TMEM243: variants seen among roughly 807,000 people sequenced by gnomAD.
TMEM243 encodes transmembrane protein 243.
Under a neutral mutation model 15.0 loss-of-function variants are expected in TMEM243, and 20 were observed. That is an observed-to-expected ratio of 1.33 (90% CI 0.94 to 1.93). TMEM243 has a LOEUF of 1.93. Ranked by LOEUF, TMEM243 falls within the 30% of genes most tolerant of loss-of-function variation. The probability of loss-of-function intolerance (pLI) is 0.00; values close to 1 mark genes in which losing one functional copy is unlikely to be tolerated. For synonymous variants in TMEM243, 72 were observed against 52.7 expected (o/e 1.37, Z -1.59); for missense variants, 156 against 142.1 (o/e 1.10, Z -0.50).
At chr7:87,204,965 T>C (rs1315341026) in intron 1 of TMEM243, among the ~76,000 whole-genome samples, 1 of 152,260 alleles carries the variant, frequency 6.6e-6, no homozygotes, top group Admixed American at 6.5e-5. Flanking sequence ...TGTTTCTGTA[T>C]GTCCTCTAAA....
Position 87,199,086 on chromosome 7 carries a change from A to G in TMEM243, c.79-29T>C, listed in dbSNP as rs781437864. On this transcript the variant is annotated intron_variant, in intron 1 of 3. Coordinates refer to ENST00000257637, the MANE Select transcript of TMEM243 (RefSeq NM_024315.4). ...AAAGAGAAAAGAATTTTTAAGCCAT[A>G]TGACTTGGATCCATGTTACCTTCAG... The G allele has an allele frequency of 5.0e-6, 8 of 1,586,728 alleles. No individual in the cohort carries two copies. In the East Asian group the frequency reaches 1.8e-4, roughly 36 times the overall value.
intron 1 of TMEM243, among the ~76,000 whole-genome samples, chr7:87,209,485 T>A (rs865968524): frequency 7.5e-5 from 9 of 120,106 alleles, no homozygotes; most frequent in South Asian, 2.6e-4. Context: ...AGTGAGATAG[T>A]GAGAGAGAGA....
chr7:87,204,395 A>G (rs532243307), intron 1 of TMEM243, among the ~76,000 whole-genome samples: 35 of 152,316 alleles, frequency 2.3e-4, no homozygotes, highest in African/African-American at 8.4e-4. Context: ...GTCTTAACTC[A>G]TTTCAGCATT....
chr7:87,203,288 G>A (rs2129225394), intron 1 of TMEM243, among the ~76,000 whole-genome samples: 1 of 152,142 alleles, frequency 6.6e-6, no homozygotes, highest in African/African-American at 2.4e-5. Context: ...AGGCTTTGGG[G>A]AATGGTGGAA....
At chr7:87,205,478 C>T (rs1169287219) in intron 1 of TMEM243, among the ~76,000 whole-genome samples, 1 of 152,078 alleles carries the variant, frequency 6.6e-6, no homozygotes, top group African/African-American at 2.4e-5. Flanking sequence ...ATGCTTTTAA[C>T]AGCACCTAAG....
intron 1 of TMEM243, among the ~76,000 whole-genome samples, chr7:87,204,476 T>C (rs562686392): frequency 6.6e-6 from 1 of 152,206 alleles, no homozygotes; most frequent in Non-Finnish European, 1.5e-5. Flanking sequence ...ATCAAAAGCA[T>C]GTTAGTTACT....
At chr7:87,204,713 C>T (rs985735812) in intron 1 of TMEM243, among the ~76,000 whole-genome samples, 1 of 152,204 alleles carries the variant, frequency 6.6e-6, no homozygotes, top group Non-Finnish European at 1.5e-5. Context: ...CAGCCTCCCT[C>T]CCAGCTGCTT....
In TMEM243 at chr7:87,196,352, T is replaced by C. The variant is rs1243000965; in HGVS notation, c.*284A>G. On this transcript the variant is annotated 3_prime_UTR_variant, in exon 4 of 4. Coordinates refer to ENST00000257637, the MANE Select transcript of TMEM243 (RefSeq NM_024315.4). ...ATGCAAGATTTGTTTTTACATAGCC[T>C]TTTGCCATACAATTATAAAAATTTC... The C allele has an allele frequency of 1.1e-5, 3 of 269,824 alleles. No homozygotes were observed. Among genetic ancestry groups the C allele is most frequent in the African/African-American group, 4.5e-5 (2 of 44,572 alleles). 16.7% of individuals were successfully genotyped at this position (269,824 alleles called of 1,614,324 possible). A position where few individuals can be genotyped will look rare whatever the true frequency, so the allele number is the denominator to read the frequency against.
At position 87,219,553 on chromosome 7, in the gene TMEM243, A is replaced by C. The variant is rs1584562891; in HGVS notation, c.-50T>G. The C allele has an allele frequency of 6.5e-7, 1 of 1,549,376 alleles. No homozygotes were observed. The highest frequency in any genetic ancestry group is 8.9e-7 in the Non-Finnish European group (1 of 1,123,554). On this transcript the variant is annotated 5_prime_UTR_variant, in exon 1 of 4. Transcript: ENST00000257637. Reference sequence around the variant, plus strand: ...AGCCACTTAAAAGCAAGACAGCATGACCTCCCGAGGTCTCAGGTCCACGAC... The same window carrying C: ...AGCCACTTAAAAGCAAGACAGCATGCCCTCCCGAGGTCTCAGGTCCACGAC...
At chr7:87,219,999 T>G (rs116362934), upstream of TMEM243, among the ~76,000 whole-genome samples, 147 of 152,370 alleles carry the variant, frequency 9.6e-4, no homozygotes, top group African/African-American at 3.4e-3. Flanking sequence ...TATTCCTTCA[T>G]GTTCAAGGGA....
chr7:87,199,711 A>C (rs1041752285), intron 1 of TMEM243: 2 of 152,190 alleles, frequency 1.3e-5, no homozygotes, highest in African/African-American at 4.8e-5. Flanking sequence ...ACCAACAAAG[A>C]ATGTTTGAAA....
intron 1 of TMEM243, among the ~76,000 whole-genome samples, chr7:87,213,778 C>CT (rs1226467191): frequency 3.9e-5 from 2 of 51,156 alleles, no homozygotes; most frequent in African/African-American, 1.4e-4. Flanking sequence ...TCTTTGTTTT[C>CT]TTCTTTTTTT....
intron 1 of TMEM243, chr7:87,216,728 T>C (rs1273344745): frequency 6.6e-6 from 1 of 152,200 alleles, no homozygotes; most frequent in Non-Finnish European, 1.5e-5. Flanking sequence ...GATTTCATTA[T>C]CCCTCACTCA....
At position 87,200,563 on chromosome 7, in the gene TMEM243, T is replaced by C. The variant is rs148347321; in HGVS notation, c.79-1506A>G. ...CCCACCAATAGAAGTCAAGCCAATA[T>C]ATCACTAATTGCCAAATGACACACA... On this transcript the variant is annotated intron_variant, in intron 1 of 3. Coordinates refer to ENST00000257637, the MANE Select transcript of TMEM243 (RefSeq NM_024315.4). Among the ~76,000 whole-genome samples the C allele has an allele frequency of 9.1e-4, 139 of 152,254 alleles. 1 individual carries two copies. Among genetic ancestry groups the C allele is most frequent in the African/African-American group, 3.2e-3 (131 of 41,554 alleles).
intron 1 of TMEM243, among the ~76,000 whole-genome samples, chr7:87,206,263 A>G (rs1300754614): frequency 6.6e-6 from 1 of 152,184 alleles, no homozygotes; most frequent in African/African-American, 2.4e-5. Flanking sequence ...GGCAAACCAT[A>G]TCATCATCCT....
rs1463737063 is a variant in TMEM243, at chr7:87,198,694, A to G, written c.129+313T>C. The stretch of plus-strand genomic sequence containing the variant: ...AGGGTAATGGATATGTTCTTCAGGA[A>G]CAAAATAGAAATGGGGAATTATGGT... On this transcript the variant is annotated intron_variant, in intron 2 of 3. Transcript: ENST00000257637. 1.2e-5 allele frequency: 5 copies of G among 400,586 alleles called. No individual in the cohort carries two copies. The Admixed American group carries it at 1.7e-4, about 14-fold the overall frequency. 24.8% of individuals were successfully genotyped at this position (400,586 alleles called of 1,614,324 possible).
Position 87,209,485 on chromosome 7 carries a change from TGA to T in TMEM243, c.78+9939_78+9940del, listed in dbSNP as rs140490349. On this transcript the variant is annotated intron_variant, in intron 1 of 3. Transcript: ENST00000257637. The stretch of plus-strand genomic sequence containing the variant: ...CAGAGTGAGACAGAGAGTGAGATAG[TGA>T]GAGAGAGAGAGAGAGAGTGAGAAAG... 6.5e-3 allele frequency among the ~76,000 whole-genome samples: 783 copies of T among 119,700 alleles called. 5 individuals are homozygous for T. Among genetic ancestry groups the T allele is most frequent in the Middle Eastern group, 0.02 (4 of 204 alleles). The allele number at this position is 119,700 out of a possible 152,430, so 78.5% of individuals were successfully genotyped here. A position where few individuals can be genotyped will look rare whatever the true frequency, so the allele number is the denominator to read the frequency against.
At chr7:87,209,835 A>C (rs367726545) in intron 1 of TMEM243, among the ~76,000 whole-genome samples, 2,975 of 136,578 alleles carry the variant, frequency 0.022, 127 homozygotes, top group African/African-American at 0.04. Flanking sequence ...AGACAGTGAG[A>C]GAGAGACAGT....
At chr7:87,197,569 C>T in intron 3 of TMEM243, 1 of 432,226 alleles carries the variant, frequency 2.3e-6, no homozygotes, top group Non-Finnish European at 3.9e-6. Context: ...ATCCAGAGTG[C>T]TCTATCTCTT....
Sources: allele counts gnomAD v4.1 joint callset (sites outside exome capture counted in the v4.1 genomes callset), GRCh38; gene constraint gnomAD v4.1.1; transcripts MANE v1.5; gene names NCBI Gene and HGNC (gene_info 2026-07-23, HGNC 2026-07-21).